EPHA3: variants seen among roughly 807,000 people sequenced by gnomAD.
The protein encoded by EPHA3 is EPH receptor A3, also known as ephrin type-A receptor 3.
EPHA3 carries 42 observed loss-of-function variants against 107.1 expected under a neutral mutation model. That is an observed-to-expected ratio of 0.39 (90% confidence interval 0.31 to 0.51). The LOEUF (loss-of-function observed/expected upper bound fraction) is 0.51. EPHA3 is among the 20% of genes least tolerant of loss of function. The probability of loss-of-function intolerance (pLI) is 0.78; values close to 1 mark genes in which losing one functional copy is unlikely to be tolerated. For synonymous variants in EPHA3, 461 were observed against 424.8 expected, an observed-to-expected ratio of 1.09 and a Z score of -1.05; for missense variants, 1,183 against 1,211.2, an observed-to-expected ratio of 0.98 and a Z score of 0.35.
chr3:89,278,299 G>T (rs1705858495), intron 3 of EPHA3, among the ~76,000 whole-genome samples: 1 of 152,204 alleles, frequency 6.6e-6, no homozygotes, highest in South Asian at 2.1e-4. Context: ...CTTGCCACAA[G>T]GGTAGCTAGA....
intron 5 of EPHA3, among the ~76,000 whole-genome samples, chr3:89,369,866 C>A: frequency 6.6e-6 from 1 of 150,458 alleles, no homozygotes; most frequent in East Asian, 1.9e-4. Context: ...AGACACTTCT[C>A]AAAAGAAGAC....
intron 2 of EPHA3, among the ~76,000 whole-genome samples, chr3:89,178,029 G>A (rs761341040): frequency 6.6e-6 from 1 of 152,180 alleles, no homozygotes; most frequent in African/African-American, 2.4e-5. Context: ...ATCCCAAGGG[G>A]TGAACTAAAT....
At chr3:89,184,133 C>T (rs1225004962) in intron 2 of EPHA3, among the ~76,000 whole-genome samples, 1 of 151,904 alleles carries the variant, frequency 6.6e-6, no homozygotes, top group East Asian at 1.9e-4. Flanking sequence ...ATAGAGATCA[C>T]TGGAAAATGA....
At chr3:89,280,579 G>T (rs544027796) in intron 3 of EPHA3, among the ~76,000 whole-genome samples, 22 of 152,186 alleles carry the variant, frequency 1.4e-4, no homozygotes, top group Admixed American at 2.6e-4. Flanking sequence ...GGTATAATTG[G>T]GTTTTAGTTG....
At chr3:89,248,558 G>T (rs1705090625) in intron 3 of EPHA3, among the ~76,000 whole-genome samples, 1 of 152,106 alleles carries the variant, frequency 6.6e-6, no homozygotes, top group Non-Finnish European at 1.5e-5. Flanking sequence ...TGTAGTAATA[G>T]ATACACTTAG....
At chr3:89,303,499 G>A (rs1191083685) in intron 3 of EPHA3, among the ~76,000 whole-genome samples, 3 of 149,572 alleles carry the variant, frequency 2.0e-5, no homozygotes, top group Non-Finnish European at 4.4e-5. Flanking sequence ...TATAAAATGA[G>A]GGAAGAAGAG....
intron 1 of EPHA3, among the ~76,000 whole-genome samples, chr3:89,108,504 A>G (rs932629520): frequency 6.6e-6 from 1 of 152,252 alleles, no homozygotes; most frequent in Non-Finnish European, 1.5e-5. Context: ...AAAGGCTTAT[A>G]TACAAATAGG....
chr3:89,212,408 A>T (rs1293994643), intron 3 of EPHA3, among the ~76,000 whole-genome samples: 1 of 152,056 alleles, frequency 6.6e-6, no homozygotes, highest in Non-Finnish European at 1.5e-5. Flanking sequence ...AATTAAAATT[A>T]TAAAGTGACA....
chr3:89,476,658 A>G (rs1710516882), intron 16 of EPHA3, among the ~76,000 whole-genome samples: 2 of 150,134 alleles, frequency 1.3e-5, no homozygotes, highest in Non-Finnish European at 3.0e-5. Context: ...CCCAGGCTGG[A>G]GTGCAGTGGC....
At chr3:89,443,397 A>T (rs760918595) in intron 13 of EPHA3, among the ~76,000 whole-genome samples, 1 of 152,212 alleles carries the variant, frequency 6.6e-6, no homozygotes, top group African/African-American at 2.4e-5. Context: ...AGTTCTTAAA[A>T]TGTATTAATG....
At chr3:89,349,894 A>G (rs1385181513) in intron 5 of EPHA3, among the ~76,000 whole-genome samples, 22 of 146,826 alleles carry the variant, frequency 1.5e-4, no homozygotes, top group African/African-American at 5.2e-4. Flanking sequence ...TTGGCTGGAT[A>G]TGAAATTCTG....
chr3:89,438,147 C>T (rs1363278107), intron 13 of EPHA3, among the ~76,000 whole-genome samples: 2 of 151,650 alleles, frequency 1.3e-5, no homozygotes, highest in South Asian at 2.1e-4. Context: ...CTCACTCTGT[C>T]GCCCAGGCTG....
intron 16 of EPHA3, among the ~76,000 whole-genome samples, chr3:89,475,190 A>T (rs538255329): frequency 1.3e-5 from 2 of 152,310 alleles, no homozygotes; most frequent in Admixed American, 1.3e-4. Context: ...GGTAAATATA[A>T]TGAGGCAACA....
At chr3:89,216,766 G>A (rs1704232082) in intron 3 of EPHA3, among the ~76,000 whole-genome samples, 1 of 152,008 alleles carries the variant, frequency 6.6e-6, no homozygotes, top group Admixed American at 6.6e-5. Context: ...AAGCTTCTGT[G>A]TTTTCAACTT....
At chr3:89,446,677 A>G (rs550030882) in intron 13 of EPHA3, among the ~76,000 whole-genome samples, 2 of 152,100 alleles carry the variant, frequency 1.3e-5, no homozygotes, top group South Asian at 4.2e-4. Flanking sequence ...AGTTTTCAGC[A>G]TAGAAAGGGC....
At chr3:89,172,095 G>A (rs1705224818) in intron 2 of EPHA3, among the ~76,000 whole-genome samples, 1 of 149,278 alleles carries the variant, frequency 6.7e-6, no homozygotes, top group African/African-American at 2.5e-5. Context: ...GTATTTAAAT[G>A]TCCTTGGAAA....
intron 10 of EPHA3, 116 bp downstream of exon 10, chr3:89,413,382 G>A (rs762305523): frequency 1.7e-5 from 22 of 1,330,456 alleles, no homozygotes; most frequent in East Asian, 2.3e-5. Context: ...CATGATCAAA[G>A]GCAAGTAATA....
At chr3:89,203,347 A>G (rs1706020318) in intron 2 of EPHA3, among the ~76,000 whole-genome samples, 1 of 150,466 alleles carries the variant, frequency 6.6e-6, no homozygotes, top group South Asian at 2.1e-4. Context: ...AAACAAAACA[A>G]AACAAAAAAA....
chr3:89,452,507 T>A (rs1325802974), intron 15 of EPHA3, among the ~76,000 whole-genome samples: 5 of 152,178 alleles, frequency 3.3e-5, no homozygotes, highest in African/African-American at 7.2e-5. Context: ...CAGAAAAAAA[T>A]GTCTATTCAG....
Sources: allele counts gnomAD v4.1 joint callset (sites outside exome capture counted in the v4.1 genomes callset), GRCh38; gene constraint gnomAD v4.1.1; transcripts MANE v1.5; gene names NCBI Gene and HGNC (gene_info 2026-07-23, HGNC 2026-07-21).